Variants in GRIK2 observed in about 807,000 individuals in gnomAD.
The protein encoded by GRIK2 is glutamate receptor ionotropic, kainate 2.
A neutral mutation model predicts 100.3 loss-of-function variants in GRIK2; 32 were observed. The ratio of observed to expected loss-of-function variants is 0.32; its 90% CI spans 0.24 to 0.43. GRIK2 has a LOEUF of 0.43. Ranked by LOEUF, GRIK2 falls within the 20% of genes least tolerant of loss-of-function variation. The probability of loss-of-function intolerance (pLI) is 1.00; values close to 1 mark genes in which losing one functional copy is unlikely to be tolerated. For missense variants in GRIK2, 843 were observed against 1,114.9 expected (o/e 0.76, Z 3.47); for synonymous variants, 417 against 389.4 (o/e 1.07, Z -0.83).
At chr6:101,808,467 GA>G (rs1198410892) in intron 9 of GRIK2, among the ~76,000 whole-genome samples, 2 of 151,876 alleles carry the variant, frequency 1.3e-5, no homozygotes, top group Admixed American at 6.6e-5. Flanking sequence ...TTTTCCAAGA[GA>G]AAAAAGTCAG....
In GRIK2 at chr6:101,397,741, A is replaced by G. The variant is rs1332755457; in HGVS notation, c.-293-1244A>G. Among the ~76,000 whole-genome samples, 8 of 152,160 alleles carry G rather than the reference A, an allele frequency of 5.3e-5. No individual in the cohort carries two copies. In the East Asian group the frequency reaches 1.5e-3, roughly 29 times the overall value. ...TCATATCACTCCTTATTTAAAAATT[A>G]GCCTTCAGATAGGATATTTTTTTGT... is the stretch of plus-strand genomic sequence containing the variant. On this transcript the variant is annotated intron_variant, in intron 1 of 16. Transcript: ENST00000369134.
intron 14 of GRIK2, among the ~76,000 whole-genome samples, chr6:102,014,575 A>T (rs534497430): frequency 2.3e-4 from 35 of 152,184 alleles, no homozygotes; most frequent in African/African-American, 8.4e-4. Flanking sequence ...TGATGTGGGC[A>T]TTTAGTGCTA....
At chr6:101,597,127 A>C (rs1778964538) in intron 2 of GRIK2, among the ~76,000 whole-genome samples, 1 of 151,818 alleles carries the variant, frequency 6.6e-6, no homozygotes, top group African/African-American at 2.4e-5. Flanking sequence ...TCCTAAGTGA[A>C]TTGATAGAGA....
chr6:101,430,165 C>T (rs547780869), intron 2 of GRIK2, among the ~76,000 whole-genome samples: 8 of 152,068 alleles, frequency 5.3e-5, no homozygotes, highest in Non-Finnish European at 8.8e-5. Flanking sequence ...ACTGAGTGAC[C>T]GAGTTACATG....
At chr6:101,732,252 A>G (rs1323911116) in intron 7 of GRIK2, among the ~76,000 whole-genome samples, 1 of 152,068 alleles carries the variant, frequency 6.6e-6, no homozygotes, top group African/African-American at 2.4e-5. Context: ...GAGACAATCA[A>G]CTTCCTATTT....
intron 2 of GRIK2, among the ~76,000 whole-genome samples, chr6:101,402,586 C>T (rs1775379767): frequency 6.6e-6 from 1 of 152,164 alleles, no homozygotes; most frequent in African/African-American, 2.4e-5. Context: ...GGCGGGCGAG[C>T]CCCTGACATT....
intron 12 of GRIK2, among the ~76,000 whole-genome samples, chr6:101,907,732 TTTTC>T (rs1002414645): frequency 6.6e-6 from 1 of 151,180 alleles, no homozygotes; most frequent in Non-Finnish European, 1.5e-5. Context: ...TTTTATCTTT[TTTTC>T]TTTCTTCTTT....
intron 2 of GRIK2, chr6:101,430,827 G>A (rs1456260905): frequency 3.5e-6 from 1 of 284,878 alleles, no homozygotes; most frequent in Non-Finnish European, 7.5e-6. Context: ...AAAGTCTAGG[G>A]CAGCATAGCA....
intron 4 of GRIK2, among the ~76,000 whole-genome samples, chr6:101,629,820 G>A (rs1202812386): frequency 2.6e-5 from 4 of 151,976 alleles, no homozygotes; most frequent in African/African-American, 4.8e-5. Flanking sequence ...ATCACCCAAT[G>A]AACAGGGTAT....
At chr6:101,987,850 A>G (rs995353711) in intron 14 of GRIK2, among the ~76,000 whole-genome samples, 4 of 151,424 alleles carry the variant, frequency 2.6e-5, no homozygotes, top group African/African-American at 9.7e-5. Context: ...TTTGATTTAC[A>G]TTCATTTTTC....
intron 14 of GRIK2, among the ~76,000 whole-genome samples, chr6:102,033,882 A>G (rs1275437120): frequency 6.6e-6 from 1 of 151,522 alleles, no homozygotes; most frequent in Non-Finnish European, 1.5e-5. Context: ...TTAGTAATTT[A>G]ACATGAAACT....
chr6:101,885,130 C>T (rs542121405), intron 11 of GRIK2, among the ~76,000 whole-genome samples: 1 of 152,142 alleles, frequency 6.6e-6, no homozygotes, highest in Admixed American at 6.6e-5. Flanking sequence ...TTTCTCATAT[C>T]TTATTGGTTG....
intron 11 of GRIK2, among the ~76,000 whole-genome samples, chr6:101,889,328 A>C (rs902094336): frequency 2.0e-5 from 3 of 151,914 alleles, no homozygotes; most frequent in Non-Finnish European, 2.9e-5. Flanking sequence ...CTAGTAGCAT[A>C]ATTCATGTAC....
At chr6:101,823,265 C>T (rs1043411922) in intron 10 of GRIK2, among the ~76,000 whole-genome samples, 3 of 152,152 alleles carry the variant, frequency 2.0e-5, no homozygotes, top group African/African-American at 7.2e-5. Flanking sequence ...ACTTTAATAA[C>T]ATGACCTAGA....
chr6:101,841,161 G>A (rs1056112154), intron 10 of GRIK2, among the ~76,000 whole-genome samples: 2 of 152,130 alleles, frequency 1.3e-5, no homozygotes, highest in African/African-American at 2.4e-5. Flanking sequence ...GTGCCCTCGA[G>A]CAATAGCATT....
At chr6:101,410,834 T>C (rs1775856208) in intron 2 of GRIK2, among the ~76,000 whole-genome samples, 1 of 152,042 alleles carries the variant, frequency 6.6e-6, no homozygotes, top group African/African-American at 2.4e-5. Flanking sequence ...TGCCTGACTG[T>C]TGAAGATACT....
intron 2 of GRIK2, among the ~76,000 whole-genome samples, chr6:101,568,893 A>G (rs1469239224): frequency 1.3e-5 from 2 of 149,254 alleles, no homozygotes; most frequent in East Asian, 2.0e-4. Context: ...TTCTACAGCA[A>G]TGGAAGCTGT....
chr6:101,432,720 A>C (rs9498587), intron 2 of GRIK2, among the ~76,000 whole-genome samples: 6,780 of 152,224 alleles, frequency 0.045, 317 homozygotes, highest in African/African-American at 0.1. Context: ...TGAAAAAGAT[A>C]ATGATAATAT....
At chr6:101,831,321 TG>T (rs916899215) in intron 10 of GRIK2, among the ~76,000 whole-genome samples, 1 of 152,070 alleles carries the variant, frequency 6.6e-6, no homozygotes, top group Admixed American at 6.6e-5. Context: ...TCATCTCCAG[TG>T]TTGCCTTTTC....
Sources: gnomAD v4.1 joint callset for allele counts (sites outside exome capture counted in the v4.1 genomes callset) on GRCh38, gnomAD v4.1.1 for gene constraint, MANE v1.5 for transcripts, NCBI Gene and HGNC (gene_info 2026-07-23, HGNC 2026-07-21) for gene names.